AGAP1: variants seen among roughly 807,000 people sequenced by gnomAD.
AGAP1 encodes ArfGAP with GTPase domain, ankyrin repeat and PH domain 1.
Under a neutral mutation model 105.3 loss-of-function variants are expected in AGAP1, and 29 were observed. The ratio of observed to expected loss-of-function variants is 0.28; its 90% CI spans 0.21 to 0.38. The LOEUF (loss-of-function observed/expected upper bound fraction) is 0.38, where lower values mean the gene tolerates loss of function less well. Ranked by LOEUF, AGAP1 falls within the 10% of genes least tolerant of loss-of-function variation. AGAP1 has a pLI of 1.00. For synonymous variants in AGAP1, 509 were observed against 485.9 expected (o/e 1.05, Z -0.63); for missense variants, 998 against 1,165.1 (o/e 0.86, Z 2.09).
intron 1 of AGAP1, 37 bp downstream of exon 1, chr2:235,494,886 C>T: frequency 6.5e-7 from 1 of 1,532,284 alleles, no homozygotes; most frequent in Middle Eastern, 1.8e-4. Context: ...CGGGAAGGCA[C>T]GGACGCCCGC....
At chr2:235,911,553 G>C (rs952841641) in intron 11 of AGAP1, among the ~76,000 whole-genome samples, 16 of 152,238 alleles carry the variant, frequency 1.1e-4, no homozygotes, top group African/African-American at 3.4e-4. Flanking sequence ...AAATGCCACT[G>C]TTGTCCTAAG....
intron 16 of AGAP1, chr2:236,072,211 G>A (rs959294978): frequency 6.6e-6 from 1 of 150,428 alleles, no homozygotes; most frequent in Non-Finnish European, 1.5e-5. Flanking sequence ...GGAGGCCAAG[G>A]CAGACAGATC....
At chr2:236,110,168 GTGT>G (rs2059607438) in intron 16 of AGAP1, among the ~76,000 whole-genome samples, 1 of 152,158 alleles carries the variant, frequency 6.6e-6, no homozygotes, top group African/African-American at 2.4e-5. Context: ...TCCTCACTAG[GTGT>G]TGTTAGAATT....
In AGAP1 at chr2:236,036,751, C is replaced by T. The variant is rs757516800; in HGVS notation, c.1800+36C>T. 8 of 1,612,788 alleles carry T rather than the reference C, an allele frequency of 5.0e-6. No homozygotes were observed. The South Asian group carries it at 6.6e-5, about 13-fold the overall frequency. On this transcript the variant is annotated intron_variant, in intron 14 of 17. Transcript: ENST00000304032. This position sits in a 1 kb window ranked among gnomAD's most constrained non-coding sequence, Gnocchi z 5.7. ...TGGCTGCCCAAAACCAAGGCTGGGGCTGCTCAGGGGGAGTGCGGGCCCCAA... is the reference window on the plus strand; with the variant it reads ...TGGCTGCCCAAAACCAAGGCTGGGGTTGCTCAGGGGGAGTGCGGGCCCCAA...
chr2:235,709,027 C>T, intron 1 of AGAP1, 152 bp from the exon 2 acceptor site: 1 of 774,424 alleles, frequency 1.3e-6, no homozygotes. Flanking sequence ...TGAACTGGGA[C>T]AAACTGATCT....
Position 235,721,421 on chromosome 2 carries a change from A to G in AGAP1, c.310+3777A>G, listed in dbSNP as rs541713215. Among the ~76,000 whole-genome samples, 130 of 152,308 alleles carry G rather than the reference A, an allele frequency of 8.5e-4. 1 individual carries two copies. Among genetic ancestry groups the G allele is most frequent in the African/African-American group, 3.0e-3 (125 of 41,564 alleles). ...TGGGTAACACCGTAGGGAACTTGTG[A>G]TTCCATGAAATCAGTCAAAGAGTAA... On this transcript the variant is annotated intron_variant, in intron 3 of 17. Transcript: ENST00000304032. The surrounding 1 kb of genome is among the most constrained non-coding windows in gnomAD (Gnocchi z 4.5).
rs11690413 is a variant in AGAP1, at chr2:236,011,307, C to G, written c.1646-25254C>G. Among the ~76,000 whole-genome samples the G allele has an allele frequency of 5.1e-3, 784 of 152,322 alleles. 6 individuals are homozygous for G. The highest frequency in any genetic ancestry group is 8.1e-3 in the Non-Finnish European group (553 of 68,036). On this transcript the variant is annotated intron_variant, in intron 13 of 17. Coordinates refer to ENST00000304032, the MANE Select transcript of AGAP1 (RefSeq NM_001037131.3). Reference sequence around the variant, plus strand: ...TACCCAGATTAGAGCTCAGAAAGTTCCATTTAATTTGCAGACTAAAGTGAG... The same window carrying G: ...TACCCAGATTAGAGCTCAGAAAGTTGCATTTAATTTGCAGACTAAAGTGAG...
intron 9 of AGAP1, among the ~76,000 whole-genome samples, chr2:235,876,277 T>A (rs1293720771): frequency 6.6e-6 from 1 of 152,202 alleles, no homozygotes; most frequent in Non-Finnish European, 1.5e-5. Context: ...AATGAACTAG[T>A]CAACCTATTA....
rs773791261 is a variant in AGAP1, at chr2:235,872,972, G to T, written c.1051-10373G>T. ...GTCCCTGAAAGTCCCCACTGGCTCA[G>T]TGCAGCTCTGGAATTAGGAACCAGC... On this transcript the variant is annotated intron_variant, in intron 9 of 17. Transcript: ENST00000304032. This position sits in a 1 kb window ranked among gnomAD's most constrained non-coding sequence, Gnocchi z 4.5. Among the ~76,000 whole-genome samples, 3 of 152,314 alleles carry T rather than the reference G, an allele frequency of 2.0e-5. No homozygotes were observed. In the East Asian group the frequency reaches 5.8e-4, roughly 29 times the overall value.
In AGAP1 at chr2:235,807,349, C is replaced by G; in HGVS notation, c.1050+18C>G. 11 of 1,569,002 alleles carry G rather than the reference C, an allele frequency of 7.0e-6. No homozygotes were observed. The highest frequency in any genetic ancestry group is 8.6e-6 in the Non-Finnish European group (10 of 1,165,504). On this transcript the variant is annotated intron_variant, in intron 9 of 17. Transcript: ENST00000304032. ...TTAAACAGGTGAGCAGCCTCCCCAT[C>G]CTTCCCTCCCTGTCGCCGGAGATAC...
At chr2:235,775,451 G>C (rs988268435) in intron 6 of AGAP1, among the ~76,000 whole-genome samples, 1 of 152,076 alleles carries the variant, frequency 6.6e-6, no homozygotes, top group African/African-American at 2.4e-5. Flanking sequence ...ACCATAGAAA[G>C]CTTTTTAAAC....
At chr2:235,588,003 G>A (rs2149204231) in intron 1 of AGAP1, among the ~76,000 whole-genome samples, 1 of 152,242 alleles carries the variant, frequency 6.6e-6, no homozygotes, top group South Asian at 2.1e-4. Context: ...GCCGACATGC[G>A]TGGATCACCT....
rs1576190501 is a variant in AGAP1 at position 236,056,917 on chromosome 2, A to G, written c.2114+7636A>G. On this transcript the variant is annotated intron_variant, in intron 16 of 17. Coordinates refer to ENST00000304032, the MANE Select transcript of AGAP1 (RefSeq NM_001037131.3). This position sits in a 1 kb window ranked among gnomAD's most constrained non-coding sequence, Gnocchi z 4.6. Reference sequence around the variant, plus strand: ...CCACGTCAGTAGCGGCATTGGGAGAACCGCCATGTTTAGCAGCACCACTCC... The same window carrying G: ...CCACGTCAGTAGCGGCATTGGGAGAGCCGCCATGTTTAGCAGCACCACTCC... Among the ~76,000 whole-genome samples the G allele has an allele frequency of 6.6e-6, 1 of 151,930 alleles. No homozygotes were observed. The highest frequency in any genetic ancestry group is 2.4e-5 in the African/African-American group (1 of 41,358).
At chr2:235,718,572 G>A (rs1951231976) in intron 3 of AGAP1, among the ~76,000 whole-genome samples, 1 of 152,048 alleles carries the variant, frequency 6.6e-6, no homozygotes, top group South Asian at 2.1e-4. Context: ...TGTCTTTTTA[G>A]CAGTAGTCCC....
At chr2:236,110,057 G>GTGA (rs2059604282) in intron 16 of AGAP1, among the ~76,000 whole-genome samples, 1 of 152,244 alleles carries the variant, frequency 6.6e-6, no homozygotes, top group Non-Finnish European at 1.5e-5. Flanking sequence ...AGGTCAGACA[G>GTGA]TGCCAGGGCA....
chr2:235,503,705 C>A (rs1386613695), intron 1 of AGAP1, among the ~76,000 whole-genome samples: 1 of 152,142 alleles, frequency 6.6e-6, no homozygotes, highest in Non-Finnish European at 1.5e-5. Flanking sequence ...AAGTAATCCT[C>A]CCACCTCAGC....
rs2049138954 is a variant in AGAP1, at chr2:235,865,747, C to G, written c.1051-17598C>G. Among the ~76,000 whole-genome samples the G allele has an allele frequency of 3.3e-5, 5 of 152,274 alleles. No homozygotes were observed. In the South Asian group the frequency reaches 1.0e-3, roughly 32 times the overall value. On this transcript the variant is annotated intron_variant, in intron 9 of 17. Coordinates refer to ENST00000304032, the MANE Select transcript of AGAP1 (RefSeq NM_001037131.3). The surrounding 1 kb of genome is among the most constrained non-coding windows in gnomAD (Gnocchi z 6.2). ...GCTGTTCCTATGGAAACACTTTAAA[C>G]TAGAGAGAAAGTTAAAAAGATTTAG...
rs768537581 is a variant in AGAP1 at position 235,744,848 on chromosome 2, T to C, written c.538+9T>C. On this transcript the variant is annotated intron_variant, in intron 5 of 17. Coordinates refer to ENST00000304032, the MANE Select transcript of AGAP1 (RefSeq NM_001037131.3). The surrounding 1 kb of genome is among the most constrained non-coding windows in gnomAD (Gnocchi z 5.2). ...TCTGGTGGGAACCCAGGGTGAGTGATGTTCGTGTGCAGATTGTTTTGAAAG... is the reference window on the plus strand; with the variant it reads ...TCTGGTGGGAACCCAGGGTGAGTGACGTTCGTGTGCAGATTGTTTTGAAAG... 1.2e-6 allele frequency: 2 copies of C among 1,613,972 alleles called. No homozygotes were observed. Among genetic ancestry groups the C allele is most frequent in the Non-Finnish European group, 8.5e-7 (1 of 1,179,952 alleles).
chr2:236,050,325 G>C lies in AGAP1; in HGVS notation c.2114+1044G>C, dbSNP rs925742757. 4.6e-5 allele frequency among the ~76,000 whole-genome samples: 7 copies of C among 152,208 alleles called. No homozygotes were observed. Among genetic ancestry groups the C allele is most frequent in the African/African-American group, 1.4e-4 (6 of 41,440 alleles). ...TGGCTCACTGGAGAGAATGAAGCTG[G>C]TGTGTTACTCATCTGGCTCTCCGTA... On this transcript the variant is annotated intron_variant, in intron 16 of 17. Coordinates refer to ENST00000304032, the MANE Select transcript of AGAP1 (RefSeq NM_001037131.3). The surrounding 1 kb of genome is among the most constrained non-coding windows in gnomAD (Gnocchi z 4.0).
Sources: gnomAD v4.1 joint callset for allele counts (sites outside exome capture counted in the v4.1 genomes callset) on GRCh38, gnomAD v4.1.1 for gene constraint, Gnocchi (gnomAD v3.1) non-coding constraint, MANE v1.5 for transcripts, NCBI Gene and HGNC (gene_info 2026-07-23, HGNC 2026-07-21) for gene names.